CLASP2: variants seen among roughly 807,000 people sequenced by gnomAD.
The protein encoded by CLASP2 is CLIP-associating protein 2.
Under a neutral mutation model 194.4 loss-of-function variants are expected in CLASP2, and 47 were observed. The ratio of observed to expected loss-of-function variants is 0.24; its 90% CI spans 0.19 to 0.31. The LOEUF is 0.31. Ranked by LOEUF, CLASP2 falls within the 10% of genes least tolerant of loss-of-function variation. The pLI is 1.00. For synonymous variants in CLASP2, 619 were observed against 633.5 expected, an observed-to-expected ratio of 0.98 and a Z score of 0.34; for missense variants, 1,445 against 1,823.6, an observed-to-expected ratio of 0.79 and a Z score of 3.78.
At chr3:33,616,888 C>A (rs1577253574) in intron 12 of CLASP2, among the ~76,000 whole-genome samples, 1 of 151,598 alleles carries the variant, frequency 6.6e-6, no homozygotes, top group South Asian at 2.1e-4. Flanking sequence ...CAGGCATGCA[C>A]CATCACGCCC....
At chr3:33,519,284 GT>G (rs1230470469) in intron 34 of CLASP2, among the ~76,000 whole-genome samples, 3 of 152,094 alleles carry the variant, frequency 2.0e-5, no homozygotes, top group Non-Finnish European at 4.4e-5. Flanking sequence ...GAATATTATA[GT>G]TCCTAGTAAA....
intron 33 of CLASP2, 49 bp downstream of exon 33, chr3:33,538,740 T>C (rs746154443): frequency 2.2e-6 from 3 of 1,391,132 alleles, no homozygotes; most frequent in Non-Finnish European, 2.9e-6. Context: ...TAAAAAATTA[T>C]TAATGAACAA....
chr3:33,500,044 T>G (rs1349948838), intron 38 of CLASP2, among the ~76,000 whole-genome samples: 2 of 152,150 alleles, frequency 1.3e-5, no homozygotes, highest in Non-Finnish European at 2.9e-5. Context: ...TTCTACTTTT[T>G]TTTTTTGATA....
At chr3:33,610,684 C>T (rs1384690125) in intron 13 of CLASP2, among the ~76,000 whole-genome samples, 2 of 152,180 alleles carry the variant, frequency 1.3e-5, no homozygotes, top group Non-Finnish European at 2.9e-5. Context: ...TCACCCCCAT[C>T]CCCTACCTTT....
At chr3:33,543,059 T>C (rs143698866) in intron 32 of CLASP2, among the ~76,000 whole-genome samples, 22 of 152,358 alleles carry the variant, frequency 1.4e-4, no homozygotes, top group Non-Finnish European at 1.9e-4. Context: ...TTGAATTATA[T>C]TAGTGCTTGC....
In CLASP2 at chr3:33,619,680, T is replaced by C; in HGVS notation, c.1240A>G (p.Thr414Ala). ...CTATTGGGGACGAGATTAAAAAGTG[T>C]AGGTACAATGGCTTCAGCGCCATGA... ...FDHGAEAIVP[T>A]LFNLVPNSAK... Residue 414 changes from threonine to alanine, a missense_variant, in exon 12 of 39, where the codon ACA becomes GCA. Physicochemically the swap from Thr to Ala is moderately conservative, Grantham distance 58 (BLOSUM62 0). Coordinates refer to ENST00000682230, the MANE Select transcript of CLASP2 (RefSeq NM_001365631.1). The C allele has an allele frequency of 6.4e-7, 1 of 1,573,410 alleles. No individual in the cohort carries two copies. The highest frequency in any genetic ancestry group is 8.6e-7 in the Non-Finnish European group (1 of 1,158,840).
At chr3:33,604,320 C>CTTTTTTTTT in intron 16 of CLASP2, 111 bp from the exon 17 acceptor site, 1 of 480,796 alleles carries the variant, frequency 2.1e-6, no homozygotes, top group African/African-American at 2.1e-5. Context: ...TTTCTTTTTT[C>CTTTTTTTTT]TTTTTTTTTT....
At chr3:33,548,455 A>C (rs2059487034) in intron 30 of CLASP2, among the ~76,000 whole-genome samples, 1 of 151,816 alleles carries the variant, frequency 6.6e-6, no homozygotes, top group East Asian at 1.9e-4. Context: ...GTGCCACCAC[A>C]CTCAGCTAAT....
intron 27 of CLASP2, 55 bp from the exon 28 acceptor site, chr3:33,561,026 T>C (rs1560036061): frequency 1.4e-6 from 2 of 1,468,846 alleles, no homozygotes; most frequent in Non-Finnish European, 1.9e-6. Flanking sequence ...TATTGACCTC[T>C]ATGTTCAATT....
At chr3:33,668,149 A>C (rs2086534897) in intron 6 of CLASP2, among the ~76,000 whole-genome samples, 1 of 152,160 alleles carries the variant, frequency 6.6e-6, no homozygotes, top group Non-Finnish European at 1.5e-5. Flanking sequence ...AACCCAGAAG[A>C]CGGAGGTTGC....
At position 33,559,745 on chromosome 3, in the gene CLASP2, T is replaced by C. The variant is rs1471759758; in HGVS notation, c.2931-360A>G. ...CCCCGTCTCTATTAAAAATACAAAA[T>C]TAGCCAGGCATGGTGGCGCATGTCT... On this transcript the variant is annotated intron_variant, in intron 28 of 38. Transcript: ENST00000682230. 2.0e-5 allele frequency among the ~76,000 whole-genome samples: 3 copies of C among 151,914 alleles called. No individual in the cohort carries two copies. In the East Asian group the frequency reaches 5.8e-4, roughly 29 times the overall value.
intron 37 of CLASP2, among the ~76,000 whole-genome samples, chr3:33,507,970 A>ATGTG (rs200800633): frequency 1.3e-5 from 2 of 149,100 alleles, no homozygotes; most frequent in African/African-American, 2.5e-5. Flanking sequence ...ATATATATAT[A>ATGTG]TGTGTGTGTG....
chr3:33,637,551 AG>A (rs1379893502), intron 8 of CLASP2, among the ~76,000 whole-genome samples: 1 of 152,150 alleles, frequency 6.6e-6, no homozygotes, highest in Non-Finnish European at 1.5e-5. Flanking sequence ...AAAAGAAAAA[AG>A]AAAAAGAAAA....
chr3:33,665,287 T>C (rs770472096), intron 6 of CLASP2, among the ~76,000 whole-genome samples: 1 of 151,724 alleles, frequency 6.6e-6, no homozygotes, highest in Non-Finnish European at 1.5e-5. Context: ...AGATAATACA[T>C]GGAGACAGGA....
intron 5 of CLASP2, among the ~76,000 whole-genome samples, chr3:33,685,202 C>T (rs2090480160): frequency 1.3e-5 from 2 of 150,192 alleles, no homozygotes; most frequent in African/African-American, 2.4e-5. Context: ...ATTAGCCCAG[C>T]GTGGTGGCAC....
At chr3:33,516,270 A>T in intron 35 of CLASP2, 119 bp from the exon 36 acceptor site, 13 of 789,722 alleles carry the variant, frequency 1.6e-5, no homozygotes, top group Non-Finnish European at 2.5e-5. Flanking sequence ...AACTGCATAA[A>T]GTATGCGGTA....
intron 2 of CLASP2, among the ~76,000 whole-genome samples, chr3:33,690,787 G>A (rs144709316): frequency 1.7e-4 from 26 of 152,226 alleles, no homozygotes; most frequent in South Asian, 1.7e-3. Flanking sequence ...CAACATACCC[G>A]CACTGTTCAT....
At position 33,526,362 on chromosome 3, in the gene CLASP2, C is replaced by T. The variant is rs1575875781; in HGVS notation, c.3787+8871G>A. Among the ~76,000 whole-genome samples the T allele has an allele frequency of 2.0e-5, 3 of 152,114 alleles. No homozygotes were observed. In the East Asian group the frequency reaches 5.8e-4, roughly 29 times the overall value. Reference sequence around the variant, plus strand: ...TCAGACAGAAGAGATTTCGAACCAACAAAGATCAAAAAAGACAAAGTAGGA... The same window carrying T: ...TCAGACAGAAGAGATTTCGAACCAATAAAGATCAAAAAAGACAAAGTAGGA... On this transcript the variant is annotated intron_variant, in intron 34 of 38. Coordinates refer to ENST00000682230, the MANE Select transcript of CLASP2 (RefSeq NM_001365631.1).
chr3:33,716,734 G>A (rs1027406253), intron 1 of CLASP2, among the ~76,000 whole-genome samples: 2 of 152,110 alleles, frequency 1.3e-5, no homozygotes, highest in Non-Finnish European at 2.9e-5. Flanking sequence ...ATGAAGCATC[G>A]ACGTGGGTAA....
Sources: gnomAD v4.1 joint callset for allele counts (sites outside exome capture counted in the v4.1 genomes callset) on GRCh38, gnomAD v4.1.1 for gene constraint, MANE v1.5 for transcripts, NCBI Gene and HGNC (gene_info 2026-07-23, HGNC 2026-07-21) for gene names.